SPOCK3: variants seen among roughly 807,000 people sequenced by gnomAD.
SPOCK3 encodes the protein SPARC (osteonectin), cwcv and kazal like domains proteoglycan 3.
In SPOCK3, 30 loss-of-function variants were observed where a neutral mutation model predicts 56.6. That is an observed-to-expected ratio of 0.53 (90% CI 0.40 to 0.72). SPOCK3 has a LOEUF of 0.72. Among genes scored for constraint, SPOCK3 ranks in the 30% least tolerant of loss-of-function variants. SPOCK3 has a pLI of 0.00. For synonymous variants in SPOCK3, 196 were observed against 183.3 expected (o/e 1.07, Z -0.56); for missense variants, 527 against 530.0 (o/e 0.99, Z 0.06).
intron 2 of SPOCK3, among the ~76,000 whole-genome samples, chr4:167,226,219 G>C (rs1450032191): frequency 6.6e-6 from 1 of 152,100 alleles, no homozygotes; most frequent in Admixed American, 6.6e-5. Context: ...TAACATGGTA[G>C]CTTTTTGGAC....
intron 2 of SPOCK3, among the ~76,000 whole-genome samples, chr4:167,080,883 T>C (rs1341642929): frequency 3.3e-5 from 5 of 149,272 alleles, no homozygotes; most frequent in South Asian, 2.1e-4. Context: ...TCTTTCTTTT[T>C]TTTTTTTTTT....
At chr4:166,927,558 A>G (rs1739259951) in intron 4 of SPOCK3, among the ~76,000 whole-genome samples, 3 of 152,102 alleles carry the variant, frequency 2.0e-5, no homozygotes, top group South Asian at 4.1e-4. Context: ...AAGTTGTCAC[A>G]CTCTTCACAA....
chr4:166,884,016 A>G (rs1479653944), intron 6 of SPOCK3, among the ~76,000 whole-genome samples: 3 of 152,214 alleles, frequency 2.0e-5, no homozygotes, highest in Non-Finnish European at 4.4e-5. Flanking sequence ...TAGTAATTGT[A>G]TCAAGAAGCA....
intron 8 of SPOCK3, among the ~76,000 whole-genome samples, chr4:166,752,777 C>G (rs7697656): frequency 0.33 from 50,089 of 151,650 alleles, 8,433 homozygotes; most frequent in Admixed American, 0.42. Context: ...CACTAGCATG[C>G]CTTCTCAGTT....
At position 167,171,748 on chromosome 4, in the gene SPOCK3, T is replaced by C. The variant is rs185864948; in HGVS notation, c.189+62237A>G. On this transcript the variant is annotated intron_variant, in intron 2 of 10. Coordinates refer to ENST00000357545, the MANE Select transcript of SPOCK3 (RefSeq NM_001040159.2). ...TAACTTTGCATTAAAATCTATGGCA[T>C]AATTTTCCTTAACATAAAGGAATTT... is the stretch of plus-strand genomic sequence containing the variant. Among the ~76,000 whole-genome samples the C allele has an allele frequency of 4.6e-5, 7 of 152,216 alleles. No individual in the cohort carries two copies. In the East Asian group the frequency reaches 1.4e-3, roughly 29 times the overall value.
chr4:166,837,620 C>T (rs550521910), intron 6 of SPOCK3, among the ~76,000 whole-genome samples: 4 of 152,156 alleles, frequency 2.6e-5, no homozygotes, highest in Non-Finnish European at 5.9e-5. Flanking sequence ...TGAGATATAA[C>T]GTCGTAAATA....
chr4:166,807,528 G>A (rs886924148), intron 6 of SPOCK3, among the ~76,000 whole-genome samples: 2 of 152,068 alleles, frequency 1.3e-5, no homozygotes, highest in African/African-American at 4.8e-5. Flanking sequence ...ATGTTTATTA[G>A]TTAAAACCTG....
intron 2 of SPOCK3, among the ~76,000 whole-genome samples, chr4:167,200,700 A>T (rs1025230472): frequency 6.6e-6 from 1 of 152,046 alleles, no homozygotes; most frequent in African/African-American, 2.4e-5. Context: ...CTCCCACAAG[A>T]TTAACTATCA....
chr4:166,949,536 G>C (rs892041095), intron 4 of SPOCK3, among the ~76,000 whole-genome samples: 2 of 152,140 alleles, frequency 1.3e-5, no homozygotes, highest in Non-Finnish European at 2.9e-5. Flanking sequence ...TGTCCTTTCT[G>C]TTCGTTAGTT....
chr4:166,755,177 A>G lies in SPOCK3; in HGVS notation c.710-448T>C, dbSNP rs189903704. ...AAGCAGACTTTACACAAAATAAGTA[A>G]TAACTTTAATAATTCCCTATATCTT... On this transcript the variant is annotated intron_variant, in intron 7 of 10. Coordinates refer to ENST00000357545, the MANE Select transcript of SPOCK3 (RefSeq NM_001040159.2). 3.3e-3 allele frequency among the ~76,000 whole-genome samples: 493 copies of G among 151,446 alleles called. 3 individuals carry two copies. The highest frequency in any genetic ancestry group is 0.011 in the African/African-American group (453 of 41,404).
At chr4:167,117,440 A>C (rs1761520482) in intron 2 of SPOCK3, among the ~76,000 whole-genome samples, 1 of 152,142 alleles carries the variant, frequency 6.6e-6, no homozygotes, top group Admixed American at 6.5e-5. Flanking sequence ...GATCTGCCCT[A>C]GAGTGCACAG....
At chr4:166,932,684 T>C (rs1016175538) in intron 4 of SPOCK3, among the ~76,000 whole-genome samples, 29 of 152,154 alleles carry the variant, frequency 1.9e-4, no homozygotes, top group African/African-American at 6.8e-4. Flanking sequence ...TTAAATTAAT[T>C]GTTTAATTCA....
intron 3 of SPOCK3, among the ~76,000 whole-genome samples, chr4:167,026,787 G>A (rs1278465132): frequency 2.0e-5 from 3 of 148,900 alleles, no homozygotes; most frequent in East Asian, 2.0e-4. Context: ...AAAATATATC[G>A]CATTGGTTGA....
intron 2 of SPOCK3, among the ~76,000 whole-genome samples, chr4:167,206,893 A>AG (rs1734394679): frequency 1.3e-5 from 2 of 152,060 alleles, no homozygotes; most frequent in African/African-American, 4.8e-5. Flanking sequence ...ACAACTAGAT[A>AG]GGAGAATAGG....
intron 6 of SPOCK3, among the ~76,000 whole-genome samples, chr4:166,870,282 A>T (rs1274286420): frequency 6.6e-5 from 10 of 152,110 alleles, no homozygotes; most frequent in Admixed American, 6.6e-4. Flanking sequence ...ATAGTTGAAG[A>T]CTTCAACATT....
At chr4:167,116,654 A>G (rs116628155) in intron 2 of SPOCK3, among the ~76,000 whole-genome samples, 1,126 of 79,538 alleles carry the variant, frequency 0.014, 16 homozygotes, top group Non-Finnish European at 0.016. Context: ...ATATATACAC[A>G]TATATACGTA....
In SPOCK3 at chr4:167,057,102, A is replaced by G. The variant is rs1451808137; in HGVS notation, c.235+5390T>C. On this transcript the variant is annotated intron_variant, in intron 3 of 10. Transcript: ENST00000357545. Reference sequence around the variant, plus strand: ...CAGCGGATCTCTCGGCAGAAACTCTACAAGCCAGAAGAGAGTGGGGGCCAA... The same window carrying G: ...CAGCGGATCTCTCGGCAGAAACTCTGCAAGCCAGAAGAGAGTGGGGGCCAA... Among the ~76,000 whole-genome samples the G allele has an allele frequency of 3.3e-5, 5 of 152,362 alleles. No individual in the cohort carries two copies. In the South Asian group the frequency reaches 8.3e-4, roughly 25 times the overall value.
chr4:167,226,686 G>A (rs549415153), intron 2 of SPOCK3, among the ~76,000 whole-genome samples: 2 of 152,194 alleles, frequency 1.3e-5, no homozygotes, highest in South Asian at 2.1e-4. Context: ...ACAAGTAGAA[G>A]TAATGTGTGA....
At chr4:166,992,524 A>T (rs533257586) in intron 4 of SPOCK3, among the ~76,000 whole-genome samples, 1,881 of 152,262 alleles carry the variant, frequency 0.012, 18 homozygotes, top group Non-Finnish European at 0.019. Context: ...ATAGACAAAA[A>T]AATAGAGTTT....
Sources: allele counts gnomAD v4.1 joint callset (sites outside exome capture counted in the v4.1 genomes callset), GRCh38; gene constraint gnomAD v4.1.1; transcripts MANE v1.5; gene names NCBI Gene and HGNC (gene_info 2026-07-23, HGNC 2026-07-21).